Variants in MIR2052HG observed in about 807,000 individuals in gnomAD.
The protein encoded by MIR2052HG is MIR2052 host gene.
chr8:74,699,548 A>G (rs1037450158), intron 2 of MIR2052HG, among the ~76,000 whole-genome samples: 1 of 152,010 alleles, frequency 6.6e-6, no homozygotes, highest in Non-Finnish European at 1.5e-5. Flanking sequence ...AATAAAAACA[A>G]CATCGTATGT....
At chr8:74,722,499 C>T (rs1246857942) in intron 4 of MIR2052HG, among the ~76,000 whole-genome samples, 1 of 151,874 alleles carries the variant, frequency 6.6e-6, no homozygotes, top group Non-Finnish European at 1.5e-5. Context: ...TTTTTTAAAC[C>T]TATTTCTACA....
intron 2 of MIR2052HG, among the ~76,000 whole-genome samples, chr8:74,614,842 C>T (rs1465834168): frequency 6.6e-6 from 1 of 151,534 alleles, no homozygotes. Context: ...ACAGAAAAGA[C>T]AATTTCATCT....
chr8:74,735,386 G>A (rs934543522), intron 4 of MIR2052HG, among the ~76,000 whole-genome samples: 13 of 152,170 alleles, frequency 8.5e-5, no homozygotes, highest in Non-Finnish European at 4.4e-5. Flanking sequence ...TAAAACTGAA[G>A]GGGATCTTAG....
intron 4 of MIR2052HG, chr8:74,703,728 A>G: frequency 2.3e-6 from 1 of 431,626 alleles, no homozygotes; most frequent in South Asian, 1.7e-5. Context: ...AGTCATGTGG[A>G]TGAAAGTCAA....
intron 1 of MIR2052HG, among the ~76,000 whole-genome samples, chr8:74,600,804 G>C (rs1807989485): frequency 1.3e-5 from 2 of 151,990 alleles, no homozygotes; most frequent in South Asian, 4.2e-4. Context: ...TCGATCTCCT[G>C]ACCTCATTTT....
chr8:74,629,325 A>G (rs990872588), intron 2 of MIR2052HG, among the ~76,000 whole-genome samples: 3 of 152,058 alleles, frequency 2.0e-5, no homozygotes, highest in Non-Finnish European at 2.9e-5. Context: ...GTTAAGAGCC[A>G]GGAAGTATTT....
At chr8:74,612,479 G>A (rs1808211732) in intron 1 of MIR2052HG, 2 of 171,508 alleles carry the variant, frequency 1.2e-5, no homozygotes, top group Non-Finnish European at 2.5e-5. Flanking sequence ...GAGAATAACT[G>A]TAGTTGAGCA....
chr8:74,601,512 G>A (rs1311779727), intron 1 of MIR2052HG, among the ~76,000 whole-genome samples: 3 of 152,136 alleles, frequency 2.0e-5, no homozygotes, highest in Non-Finnish European at 2.9e-5. Flanking sequence ...TCTTCAATAG[G>A]AGTAAATCTC....
chr8:74,645,567 G>A (rs1328047047), intron 2 of MIR2052HG, among the ~76,000 whole-genome samples: 2 of 152,226 alleles, frequency 1.3e-5, no homozygotes, highest in African/African-American at 2.4e-5. Flanking sequence ...TTACCGGCGC[G>A]AGCCACTGCG....
chr8:74,691,517 A>G (rs1285164688), intron 2 of MIR2052HG, among the ~76,000 whole-genome samples: 4 of 152,182 alleles, frequency 2.6e-5, no homozygotes, highest in Non-Finnish European at 5.9e-5. Context: ...TGGGGAAGAC[A>G]GTTTTCTGCA....
intron 5 of MIR2052HG, chr8:74,756,559 T>G (rs980346822): frequency 1.3e-5 from 2 of 152,214 alleles, no homozygotes; most frequent in Non-Finnish European, 2.9e-5. Flanking sequence ...CCCTACTTTT[T>G]AACATGAGAA....
At chr8:74,615,623 T>TA (rs1808269216) in intron 2 of MIR2052HG, among the ~76,000 whole-genome samples, 2 of 152,082 alleles carry the variant, frequency 1.3e-5, no homozygotes, top group South Asian at 4.1e-4. Flanking sequence ...TTTTTTTTTT[T>TA]ATTATACTTT....
chr8:74,734,581 C>T (rs1357664802), intron 4 of MIR2052HG, among the ~76,000 whole-genome samples: 4 of 152,214 alleles, frequency 2.6e-5, no homozygotes, highest in Admixed American at 6.5e-5. Flanking sequence ...TCCACCTCCT[C>T]CTCTTTCTTC....
At chr8:74,676,349 A>T (rs1328968485) in intron 2 of MIR2052HG, among the ~76,000 whole-genome samples, 1 of 152,050 alleles carries the variant, frequency 6.6e-6, no homozygotes, top group East Asian at 1.9e-4. Flanking sequence ...ATTAGCCTGT[A>T]GGTTGAGAGT....
At chr8:74,651,122 CT>C (rs58403987) in intron 2 of MIR2052HG, among the ~76,000 whole-genome samples, 22 of 148,430 alleles carry the variant, frequency 1.5e-4, no homozygotes, top group African/African-American at 3.5e-4. Flanking sequence ...GTAATAAATT[CT>C]TTTTTTTTTC....
intron 1 of MIR2052HG, among the ~76,000 whole-genome samples, chr8:74,602,145 G>A (rs779065437): frequency 2.0e-5 from 3 of 152,176 alleles, no homozygotes; most frequent in Admixed American, 6.5e-5. Context: ...CAAAGCTCCC[G>A]CTGATAAAAC....
intron 2 of MIR2052HG, among the ~76,000 whole-genome samples, chr8:74,617,106 T>G (rs1394678419): frequency 2.0e-5 from 3 of 152,220 alleles, no homozygotes; most frequent in Non-Finnish European, 4.4e-5. Flanking sequence ...TTTTAATTTT[T>G]AATATATAGG....
intron 2 of MIR2052HG, among the ~76,000 whole-genome samples, chr8:74,632,885 C>A (rs1808534401): frequency 6.6e-6 from 1 of 152,140 alleles, no homozygotes; most frequent in Admixed American, 6.5e-5. Context: ...TATGATATAG[C>A]CAATGACTCC....
At chr8:74,676,314 A>G (rs760694203) in intron 2 of MIR2052HG, among the ~76,000 whole-genome samples, 11 of 152,038 alleles carry the variant, frequency 7.2e-5, no homozygotes, top group Non-Finnish European at 1.6e-4. Context: ...GATTGAGAAT[A>G]AAAAGAACTG....
Sources: gnomAD v4.1 joint callset for allele counts (sites outside exome capture counted in the v4.1 genomes callset) on GRCh38, gnomAD v4.1.1 for gene constraint, MANE v1.5 for transcripts, NCBI Gene and HGNC (gene_info 2026-07-23, HGNC 2026-07-21) for gene names.